TAF4B: variants seen among roughly 807,000 people sequenced by gnomAD.
TAF4B encodes TATA-box binding protein associated factor 4b, also known as transcription initiation factor TFIID subunit 4B.
TAF4B carries 38 observed loss-of-function variants against 86.4 expected under a neutral mutation model. The observed-to-expected ratio is 0.44, with a 90% CI of 0.34 to 0.58. TAF4B has a LOEUF of 0.58. TAF4B is among the 20% of genes least tolerant of loss of function. The probability of loss-of-function intolerance (pLI) is 0.02; values close to 1 mark genes in which losing one functional copy is unlikely to be tolerated. For missense variants in TAF4B, 988 were observed against 1,027.6 expected, an observed-to-expected ratio of 0.96 and a Z score of 0.53; for synonymous variants, 388 against 391.2, an observed-to-expected ratio of 0.99 and a Z score of 0.10.
intron 11 of TAF4B, 110 bp from the exon 12 acceptor site, chr18:26,326,905 G>A: frequency 8.1e-7 from 1 of 1,242,206 alleles, no homozygotes; most frequent in African/African-American, 1.5e-5. Context: ...TGAAAGTTCA[G>A]CTTCCTATTT....
chr18:26,370,459 C>CA (rs1310931541), intron 14 of TAF4B, among the ~76,000 whole-genome samples: 1 of 152,162 alleles, frequency 6.6e-6, no homozygotes, highest in Admixed American at 6.5e-5. Flanking sequence ...CCACCCTTGC[C>CA]AGTCCTTCTA....
At position 26,340,917 on chromosome 18, in the gene TAF4B, G is replaced by A. The variant is rs1443445246; in HGVS notation, c.2316+5686G>A. 4.0e-5 allele frequency among the ~76,000 whole-genome samples: 6 copies of A among 151,882 alleles called. No homozygotes were observed. The South Asian group carries it at 6.2e-4, about 16-fold the overall frequency. On this transcript the variant is annotated intron_variant, in intron 13 of 14. Coordinates refer to ENST00000269142, the MANE Select transcript of TAF4B (RefSeq NM_005640.3). ...CTTGGAACCATGAAAGCTTCACTAG[G>A]TTTCCTTCATGGATATTTTTACAAG... is the stretch of plus-strand genomic sequence containing the variant.
intron 1 of TAF4B, among the ~76,000 whole-genome samples, chr18:26,249,911 TA>T (rs1309949179): frequency 6.6e-6 from 1 of 152,044 alleles, no homozygotes; most frequent in East Asian, 1.9e-4. Flanking sequence ...TTGATAGAGA[TA>T]GGGTTTCACC....
At chr18:26,279,227 A>G (rs2056417637) in intron 5 of TAF4B, among the ~76,000 whole-genome samples, 1 of 152,142 alleles carries the variant, frequency 6.6e-6, no homozygotes, top group African/African-American at 2.4e-5. Context: ...TACACCAAAA[A>G]TGTTCTAGCT....
At chr18:26,274,491 C>T (rs754823269) in intron 3 of TAF4B, among the ~76,000 whole-genome samples, 172 bp from the exon 4 acceptor site, 2 of 152,128 alleles carry the variant, frequency 1.3e-5, no homozygotes, top group Non-Finnish European at 2.9e-5. Flanking sequence ...GAATGAAACC[C>T]AGATCTGCTA....
chr18:26,370,314 A>G (rs2057398017), intron 14 of TAF4B, among the ~76,000 whole-genome samples: 1 of 152,218 alleles, frequency 6.6e-6, no homozygotes, highest in Non-Finnish European at 1.5e-5. Context: ...TGAACTTCCA[A>G]TCTTGTAAGA....
intron 1 of TAF4B, chr18:26,255,603 C>CAAAAAAAAAAAAAAAA (rs71169836): frequency 1.1e-3 from 525 of 485,454 alleles, no homozygotes; most frequent in Middle Eastern, 2.7e-3. Flanking sequence ...ACTCTGTCTC[C>CAAAAAAAAAAAAAAAA]AAAAAAAAAA....
intron 12 of TAF4B, among the ~76,000 whole-genome samples, chr18:26,328,811 G>A (rs956597795): frequency 4.0e-5 from 6 of 151,728 alleles, no homozygotes; most frequent in Admixed American, 6.6e-5. Flanking sequence ...GTAGTGACAG[G>A]GTTTCACCAT....
chr18:26,320,314 T>C (rs2056951323), intron 10 of TAF4B, among the ~76,000 whole-genome samples: 1 of 152,232 alleles, frequency 6.6e-6, no homozygotes, highest in Admixed American at 6.5e-5. Context: ...TCACTGGGGC[T>C]GAGAAGTACT....
chr18:26,339,986 C>G (rs774136519), intron 13 of TAF4B, among the ~76,000 whole-genome samples: 3 of 152,050 alleles, frequency 2.0e-5, no homozygotes, highest in Admixed American at 6.6e-5. Context: ...GATTTATTAT[C>G]GGATGGTGAG....
chr18:26,295,682 A>C (rs2056654326), intron 9 of TAF4B, among the ~76,000 whole-genome samples: 1 of 152,188 alleles, frequency 6.6e-6, no homozygotes, highest in Non-Finnish European at 1.5e-5. Flanking sequence ...TTGTATGTTA[A>C]AACTATTTTT....
chr18:26,344,696 A>G (rs1252032928), intron 13 of TAF4B, among the ~76,000 whole-genome samples: 1 of 152,300 alleles, frequency 6.6e-6, no homozygotes, highest in Non-Finnish European at 1.5e-5. Flanking sequence ...AGATTTGAGG[A>G]CTGACATTGG....
At chr18:26,376,396 G>A (rs2057443320) in intron 14 of TAF4B, among the ~76,000 whole-genome samples, 1 of 151,944 alleles carries the variant, frequency 6.6e-6, no homozygotes. Flanking sequence ...TGTACCACTA[G>A]TTAAATTTTT....
chr18:26,274,556 A>G lies in TAF4B; in HGVS notation c.598-107A>G, dbSNP rs2056359557. The stretch of plus-strand genomic sequence containing the variant: ...TTGCCTTAGACTACTAGAGCATAAC[A>G]TAAAACCACAGATGTCAAAATTAAC... On this transcript the variant is annotated intron_variant, in intron 3 of 14. Coordinates refer to ENST00000269142, the MANE Select transcript of TAF4B (RefSeq NM_005640.3). 14 of 1,274,622 alleles carry G rather than the reference A, an allele frequency of 1.1e-5. No individual in the cohort carries two copies. In the East Asian group the frequency reaches 2.6e-4, roughly 24 times the overall value. 79.0% of individuals were successfully genotyped at this position (1,274,622 alleles called of 1,614,324 possible). A position where few individuals can be genotyped will look rare whatever the true frequency, so the allele number is the denominator to read the frequency against.
At chr18:26,262,270 C>G (rs948890081) in intron 1 of TAF4B, among the ~76,000 whole-genome samples, 5 of 150,108 alleles carry the variant, frequency 3.3e-5, no homozygotes, top group African/African-American at 1.2e-4. Flanking sequence ...GATACCATAG[C>G]CTTAGATTGG....
chr18:26,264,886 T>G (rs2056216817), intron 1 of TAF4B, among the ~76,000 whole-genome samples: 1 of 152,234 alleles, frequency 6.6e-6, no homozygotes, highest in Non-Finnish European at 1.5e-5. Context: ...TGCTGTTAAC[T>G]ACACCATCTT....
chr18:26,383,041 G>T (rs1978299525), intron 14 of TAF4B, among the ~76,000 whole-genome samples: 1 of 152,058 alleles, frequency 6.6e-6, no homozygotes, highest in Non-Finnish European at 1.5e-5. Context: ...GCAATTAATT[G>T]TCTGTATCAA....
Position 26,282,001 on chromosome 18 carries a change from A to G in TAF4B, c.913A>G (p.Arg305Gly). 1 of 1,613,462 alleles carries G rather than the reference A, an allele frequency of 6.2e-7. No homozygotes were observed. The highest frequency in any genetic ancestry group is 8.5e-7 in the Non-Finnish European group (1 of 1,179,738). ...DAKIEAEEFTRKLYVELKSSP... is the reference protein window; with the variant it reads ...DAKIEAEEFTGKLYVELKSSP... ...AAAAATCGAAGCAGAAGAATTTACT[A>G]GGAAACTGTATGTTGAACTCAAGTC... The change falls in exon 6 of 15, where the codon AGG becomes GGG. Residue 305 changes from arginine to glycine, a missense_variant. Coordinates refer to ENST00000269142, the MANE Select transcript of TAF4B (RefSeq NM_005640.3).
intron 2 of TAF4B, chr18:26,266,940 A>G (rs755297243): frequency 6.6e-6 from 1 of 152,174 alleles, no homozygotes; most frequent in Non-Finnish European, 1.5e-5. Context: ...AAAATACTGA[A>G]TGTAGTTTAG....
Sources: gnomAD v4.1 joint callset for allele counts (sites outside exome capture counted in the v4.1 genomes callset) on GRCh38, gnomAD v4.1.1 for gene constraint, MANE v1.5 for transcripts, NCBI Gene and HGNC (gene_info 2026-07-23, HGNC 2026-07-21) for gene names.